ARID1B: variants seen among roughly 807,000 people sequenced by gnomAD.
ARID1B encodes AT-rich interactive domain-containing protein 1B.
ARID1B carries 30 observed loss-of-function variants against 212.3 expected under a neutral mutation model. The ratio of observed to expected loss-of-function variants is 0.14; its 90% CI spans 0.11 to 0.19. The LOEUF (loss-of-function observed/expected upper bound fraction) is 0.19. Among genes scored for constraint, ARID1B ranks in the 10% least tolerant of loss-of-function variants. ARID1B has a pLI of 1.00. For missense variants in ARID1B, 2,891 were observed against 3,204.0 expected, an observed-to-expected ratio of 0.90 and a Z score of 2.36; for synonymous variants, 1,402 against 1,301.7, an observed-to-expected ratio of 1.08 and a Z score of -1.66.
chr6:156,796,220 T>A (rs758313824), intron 1 of ARID1B, among the ~76,000 whole-genome samples: 1 of 152,236 alleles, frequency 6.6e-6, no homozygotes, highest in Non-Finnish European at 1.5e-5. Context: ...TTTATGGTAA[T>A]GTATCACTAT....
In ARID1B at chr6:156,817,036, G is replaced by A. The variant is rs192367065; in HGVS notation, c.1792-12191G>A. ...GAGAAGGGAAGATTCTAGAATTATC[G>A]CACGTTAGAACAATAAGGAACTTCA... On this transcript the variant is annotated intron_variant, in intron 1 of 19. Coordinates refer to ENST00000636930, the MANE Select transcript of ARID1B (RefSeq NM_001374828.1). Among the ~76,000 whole-genome samples the A allele has an allele frequency of 6.0e-5, 9 of 150,570 alleles. No homozygotes were observed. The East Asian group carries it at 1.6e-3, about 26-fold the overall frequency.
intron 4 of ARID1B, among the ~76,000 whole-genome samples, chr6:157,082,593 G>A (rs561594811): frequency 4.6e-5 from 7 of 152,338 alleles, no homozygotes; most frequent in Middle Eastern, 3.4e-3. Flanking sequence ...AGGCTGGAGT[G>A]CAGTGGCTGC....
At chr6:157,127,716 C>G (rs2128568675) in intron 6 of ARID1B, among the ~76,000 whole-genome samples, 1 of 141,836 alleles carries the variant, frequency 7.1e-6, no homozygotes. Flanking sequence ...GTGGAAGTTG[C>G]AGTGAGCCAA....
At chr6:156,790,161 G>A (rs930831111) in intron 1 of ARID1B, among the ~76,000 whole-genome samples, 1 of 152,174 alleles carries the variant, frequency 6.6e-6, no homozygotes, top group Admixed American at 6.5e-5. Context: ...TAGTTTGCCT[G>A]TTTTTTAAGC....
At chr6:156,814,611 T>C (rs1331133981) in intron 1 of ARID1B, among the ~76,000 whole-genome samples, 3 of 152,164 alleles carry the variant, frequency 2.0e-5, no homozygotes, top group Admixed American at 2.0e-4. Context: ...TTTTAGTTAA[T>C]GTTGAGGATG....
intron 1 of ARID1B, among the ~76,000 whole-genome samples, chr6:156,794,832 T>C (rs1410963971): frequency 1.3e-5 from 2 of 152,128 alleles, no homozygotes; most frequent in Non-Finnish European, 2.9e-5. Context: ...CCACTCACCT[T>C]GGTCTCCCAA....
At chr6:156,855,420 C>T (rs545072793) in intron 2 of ARID1B, among the ~76,000 whole-genome samples, 4 of 152,140 alleles carry the variant, frequency 2.6e-5, no homozygotes, top group South Asian at 2.1e-4. Flanking sequence ...AACACAGACG[C>T]GTGGGATGCT....
At chr6:157,136,123 C>T (rs556129691) in intron 7 of ARID1B, among the ~76,000 whole-genome samples, 19 of 152,198 alleles carry the variant, frequency 1.2e-4, no homozygotes, top group South Asian at 4.1e-4. Context: ...CTCATTTAAT[C>T]GTCACAGAAG....
chr6:157,026,736 G>C (rs539352658), intron 4 of ARID1B, among the ~76,000 whole-genome samples: 1 of 152,170 alleles, frequency 6.6e-6, no homozygotes, highest in South Asian at 2.1e-4. Flanking sequence ...AGTTGGTCTC[G>C]AAATCCTGAG....
chr6:156,911,338 GTTTTTTTTTTT>G (rs57374747), intron 3 of ARID1B, among the ~76,000 whole-genome samples: 1 of 105,362 alleles, frequency 9.5e-6, no homozygotes, highest in Admixed American at 1.0e-4. Flanking sequence ...TAAATAATTA[GTTTTTTTTTTT>G]TTTTTTTTTT....
chr6:156,923,105 C>T (rs1457493917), intron 3 of ARID1B, among the ~76,000 whole-genome samples: 1 of 152,168 alleles, frequency 6.6e-6, no homozygotes, highest in Admixed American at 6.5e-5. Context: ...ACAAATAAGA[C>T]CATCCCTGGC....
chr6:156,945,363 C>G (rs1267589696), intron 4 of ARID1B, among the ~76,000 whole-genome samples: 2 of 146,056 alleles, frequency 1.4e-5, no homozygotes, highest in African/African-American at 2.5e-5. Context: ...TCTGTCAGAG[C>G]ACAAAATGGT....
intron 4 of ARID1B, among the ~76,000 whole-genome samples, chr6:156,986,669 T>C (rs1265147553): frequency 6.6e-6 from 1 of 152,202 alleles, no homozygotes; most frequent in African/African-American, 2.4e-5. Context: ...GCTGTTACTG[T>C]TGCTATGACT....
intron 8 of ARID1B, among the ~76,000 whole-genome samples, chr6:157,157,331 G>A (rs532985142): frequency 1.4e-4 from 22 of 152,262 alleles, no homozygotes; most frequent in African/African-American, 5.3e-4. Context: ...ATCACTAGGC[G>A]TCATTAGCAG....
At chr6:156,996,006 A>AT (rs1329847463) in intron 4 of ARID1B, among the ~76,000 whole-genome samples, 1 of 152,170 alleles carries the variant, frequency 6.6e-6, no homozygotes, top group East Asian at 1.9e-4. Context: ...CCCACACAAA[A>AT]TTGGAATGCT....
chr6:157,207,021 C>A lies in ARID1B; in HGVS notation c.6249C>A (p.Gly2083=). 1.2e-6 allele frequency: 2 copies of A among 1,614,214 alleles called. No individual in the cohort carries two copies. Among genetic ancestry groups the A allele is most frequent in the Non-Finnish European group, 1.7e-6 (2 of 1,180,036 alleles). The change falls in exon 20 of 20, where the codon GGC becomes GGA. Residue 2083 remains glycine (G), a synonymous_variant. Transcript: ENST00000636930. The surrounding 1 kb of genome is among the most constrained non-coding windows in gnomAD (Gnocchi z 8.5). ...NIVRSLSFVP[G]NDAEMSKHPG... ...TCCGTAGCTTGTCATTCGTGCCTGG[C>A]AATGATGCCGAAATGTCCAAACATC...
chr6:156,967,781 T>C (rs1794872281), intron 4 of ARID1B, among the ~76,000 whole-genome samples: 1 of 152,236 alleles, frequency 6.6e-6, no homozygotes, highest in South Asian at 2.1e-4. Flanking sequence ...AGACTTATAT[T>C]TGAAACATAG....
intron 2 of ARID1B, among the ~76,000 whole-genome samples, chr6:156,874,630 C>T (rs1299786417): frequency 2.0e-5 from 3 of 152,200 alleles, no homozygotes; most frequent in Non-Finnish European, 4.4e-5. Flanking sequence ...GGCTCCAGGC[C>T]CGTCCCTTTC....
chr6:157,010,205 C>T (rs570862982), intron 4 of ARID1B, among the ~76,000 whole-genome samples: 3 of 150,734 alleles, frequency 2.0e-5, no homozygotes, highest in South Asian at 4.2e-4. Context: ...TGAATAGGGC[C>T]GAGCTATTAT....
Sources: gnomAD v4.1 joint callset for allele counts (sites outside exome capture counted in the v4.1 genomes callset) on GRCh38, gnomAD v4.1.1 for gene constraint, Gnocchi (gnomAD v3.1) non-coding constraint, MANE v1.5 for transcripts, NCBI Gene and HGNC (gene_info 2026-07-23, HGNC 2026-07-21) for gene names.